SERPINB10: variants seen among roughly 807,000 people sequenced by gnomAD.
SERPINB10 encodes the protein serpin family B member 10.
SERPINB10 carries 35 observed loss-of-function variants against 39.1 expected under a neutral mutation model. The observed-to-expected ratio is 0.90, with a 90% CI of 0.68 to 1.19. The LOEUF is 1.19. Among genes scored for constraint, SERPINB10 ranks in the 50% most tolerant of loss-of-function variants. SERPINB10 has a pLI of 0.00. For missense variants in SERPINB10, 546 were observed against 460.5 expected, an observed-to-expected ratio of 1.19 and a Z score of -1.70; for synonymous variants, 190 against 158.1, an observed-to-expected ratio of 1.20 and a Z score of -1.52.
chr18:63,925,408 A>G (rs2144732229), intron 5 of SERPINB10, among the ~76,000 whole-genome samples: 1 of 152,074 alleles, frequency 6.6e-6, no homozygotes, highest in South Asian at 2.1e-4. Flanking sequence ...TCCTGGACAA[A>G]ATGGTGGTAA....
At chr18:63,932,933 A>T (rs369045200) in intron 6 of SERPINB10, 115 bp from the exon 7 acceptor site, 3 of 919,880 alleles carry the variant, frequency 3.3e-6, no homozygotes, top group African/African-American at 3.3e-5. Flanking sequence ...AGCATTTAGC[A>T]GAGAATCAGC....
intron 6 of SERPINB10, among the ~76,000 whole-genome samples, chr18:63,932,047 T>C (rs1189150018): frequency 6.6e-6 from 1 of 152,226 alleles, no homozygotes; most frequent in East Asian, 1.9e-4. Context: ...CACTATGAAT[T>C]TAATGTTCCT....
At chr18:63,922,881 T>G (rs751250786) in intron 5 of SERPINB10, among the ~76,000 whole-genome samples, 67 of 151,980 alleles carry the variant, frequency 4.4e-4, no homozygotes, top group Middle Eastern at 3.2e-3. Context: ...TCATTTCAAT[T>G]AATTTAAATT....
intron 5 of SERPINB10, among the ~76,000 whole-genome samples, chr18:63,923,696 ATAT>A (rs2050161603): frequency 6.6e-6 from 1 of 151,884 alleles, no homozygotes; most frequent in Non-Finnish European, 1.5e-5. Flanking sequence ...AAAATTGTGT[ATAT>A]TATTTATTTC....
intron 5 of SERPINB10, among the ~76,000 whole-genome samples, chr18:63,925,887 C>A (rs371275818): frequency 6.6e-6 from 1 of 151,940 alleles, no homozygotes; most frequent in African/African-American, 2.4e-5. Context: ...ATAAAAAAAC[C>A]AGCCAGTCCT....
Position 63,935,289 on chromosome 18 carries a change from A to G in SERPINB10, c.*47A>G, listed in dbSNP as rs369564415. On this transcript the variant is annotated 3_prime_UTR_variant, in exon 8 of 8. Coordinates refer to ENST00000238508, the MANE Select transcript of SERPINB10 (RefSeq NM_005024.3). ...ACAAGACCATCTTACAGTGTGAAAA[A>G]TGTACCATGAGATGGAAAAGCACAA... 137 of 1,495,962 alleles carry G rather than the reference A, an allele frequency of 9.2e-5. No homozygotes were observed. The highest frequency in any genetic ancestry group is 1.2e-4 in the Non-Finnish European group (130 of 1,128,312). The allele number at this position is 1,495,962 out of a possible 1,614,324, so 92.7% of individuals were successfully genotyped here.
In SERPINB10 at chr18:63,935,429, G is replaced by A; in HGVS notation, c.*187G>A. 3.7e-6 allele frequency: 2 copies of A among 543,090 alleles called. No individual in the cohort carries two copies. Among genetic ancestry groups the A allele is most frequent in the Non-Finnish European group, 6.1e-6 (2 of 327,290 alleles). 33.6% of individuals were successfully genotyped at this position (543,090 alleles called of 1,614,324 possible). ...TCATATCTGTACAGCTGGAGAGAAT[G>A]ACGATTTTTATTTTTAACACGTTAA... On this transcript the variant is annotated 3_prime_UTR_variant, in exon 8 of 8. Transcript: ENST00000238508.
chr18:63,919,451 G>A (rs1351519766), intron 4 of SERPINB10, among the ~76,000 whole-genome samples: 1 of 151,812 alleles, frequency 6.6e-6, no homozygotes, highest in Non-Finnish European at 1.5e-5. Context: ...TTGGCCACTG[G>A]GGTCACTCTT....
Position 63,933,219 on chromosome 18 carries a change from G to T in SERPINB10, c.789+16G>T, listed in dbSNP as rs1323243619. 7.4e-6 allele frequency: 12 copies of T among 1,612,472 alleles called. No individual in the cohort carries two copies. In the South Asian group the frequency reaches 1.3e-4, roughly 18 times the overall value. ...GCTGGAACAGGTAAATAACATCAGTGTGTCTGATGTGAGGGTGTTTCCAGT... is the reference window on the plus strand; with the variant it reads ...GCTGGAACAGGTAAATAACATCAGTTTGTCTGATGTGAGGGTGTTTCCAGT... On this transcript the variant is annotated intron_variant, in intron 7 of 7. Transcript: ENST00000238508.
chr18:63,931,924 C>T (rs904152696), intron 6 of SERPINB10, among the ~76,000 whole-genome samples: 5 of 152,138 alleles, frequency 3.3e-5, no homozygotes, highest in Non-Finnish European at 5.9e-5. Context: ...TCATCCATTC[C>T]CCCTAAATTC....
intron 5 of SERPINB10, among the ~76,000 whole-genome samples, chr18:63,929,503 C>T (rs2050204138): frequency 6.6e-6 from 1 of 151,734 alleles, no homozygotes; most frequent in African/African-American, 2.4e-5. Flanking sequence ...AAAAGAAGGA[C>T]ATTTTAGCAC....
In SERPINB10 at chr18:63,917,985, G is replaced by A. The variant is rs375314703; in HGVS notation, c.255G>A (p.Ser85=). Residue 85 remains serine (S), a synonymous_variant, in exon 4 of 8, where the codon TCG becomes TCA. Coordinates refer to ENST00000238508, the MANE Select transcript of SERPINB10 (RefSeq NM_005024.3). ...KRKMEFNLSN[S]EEIHSDFQTL... ...TAAAGGAATTCAACTTGAGCAACTCGGAAGAAATACACTCTGATTTCCAAA... is the reference window on the plus strand; with the variant it reads ...TAAAGGAATTCAACTTGAGCAACTCAGAAGAAATACACTCTGATTTCCAAA... 97 of 1,611,664 alleles carry A rather than the reference G, an allele frequency of 6.0e-5. No individual in the cohort carries two copies. Among genetic ancestry groups the A allele is most frequent in the Non-Finnish European group, 7.6e-5 (89 of 1,178,662 alleles).
intron 5 of SERPINB10, among the ~76,000 whole-genome samples, chr18:63,922,164 A>G (rs373981620): frequency 6.6e-6 from 1 of 152,012 alleles, no homozygotes; most frequent in South Asian, 2.1e-4. Flanking sequence ...TGTTCAGAAC[A>G]TTAATGTTTA....
At chr18:63,920,672 C>A (rs1336680854) in intron 5 of SERPINB10, among the ~76,000 whole-genome samples, 1 of 151,980 alleles carries the variant, frequency 6.6e-6, no homozygotes, top group Non-Finnish European at 1.5e-5. Context: ...TAAACTTAGT[C>A]CATAGCACAC....
chr18:63,917,714 A>G (rs1568244712), intron 3 of SERPINB10, among the ~76,000 whole-genome samples, 193 bp downstream of exon 3: 1 of 151,942 alleles, frequency 6.6e-6, no homozygotes, highest in Non-Finnish European at 1.5e-5. Flanking sequence ...CGCCCTTTTA[A>G]TCTCTCTAAA....
intron 6 of SERPINB10, among the ~76,000 whole-genome samples, chr18:63,931,129 A>T (rs2050219089): frequency 6.6e-6 from 1 of 152,206 alleles, no homozygotes; most frequent in South Asian, 2.1e-4. Flanking sequence ...TAGCTCTGGC[A>T]AAATGGGAAT....
At chr18:63,929,563 A>C (rs369499478) in intron 5 of SERPINB10, among the ~76,000 whole-genome samples, 1 of 151,928 alleles carries the variant, frequency 6.6e-6, no homozygotes, top group Non-Finnish European at 1.5e-5. Flanking sequence ...TTAGATTTCT[A>C]CCACAAACTT....
intron 4 of SERPINB10, among the ~76,000 whole-genome samples, 198 bp downstream of exon 4, chr18:63,918,300 G>C (rs1944273): frequency 0.26 from 39,533 of 151,848 alleles, 5,803 homozygotes; most frequent in African/African-American, 0.39. Flanking sequence ...TCAGATCTAG[G>C]AATCAGATAT....
At chr18:63,920,680 C>G (rs1252984110) in intron 5 of SERPINB10, among the ~76,000 whole-genome samples, 2 of 152,002 alleles carry the variant, frequency 1.3e-5, no homozygotes, top group Admixed American at 1.3e-4. Flanking sequence ...GTCCATAGCA[C>G]ACTTTCTGCT....
Sources: allele counts gnomAD v4.1 joint callset (sites outside exome capture counted in the v4.1 genomes callset), GRCh38; gene constraint gnomAD v4.1.1; transcripts MANE v1.5; gene names NCBI Gene and HGNC (gene_info 2026-07-23, HGNC 2026-07-21).